The following TENM1 variants were observed in gnomAD, a reference collection of about 807,000 sequenced individuals.
TENM1 encodes the protein teneurin-1.
A neutral mutation model predicts 174.8 loss-of-function variants in TENM1; 35 were observed. That is an observed-to-expected ratio of 0.20 (90% CI 0.15 to 0.27). The LOEUF (loss-of-function observed/expected upper bound fraction) is 0.27, where lower values mean the gene tolerates loss of function less well. Ranked by LOEUF, TENM1 falls within the 10% of genes least tolerant of loss-of-function variation. The pLI is 1.00. For missense variants in TENM1, 1,633 were observed against 2,130.1 expected (o/e 0.77, Z 4.59); for synonymous variants, 781 against 798.7 (o/e 0.98, Z 0.37).
intron 3 of TENM1, among the ~76,000 whole-genome samples, chrX:124,885,569 G>T (rs2057369809): frequency 9.1e-6 from 1 of 110,490 alleles, no homozygotes; most frequent in Admixed American, 9.7e-5. Context: ...TGAAATATCA[G>T]GTTGTATGGA....
upstream of TENM1, among the ~76,000 whole-genome samples, chrX:124,964,557 C>T (rs1178692673): frequency 2.7e-5 from 3 of 111,109 alleles, no homozygotes; most frequent in African/African-American, 9.8e-5. Context: ...GATAAATCAC[C>T]GAAAGAACCC....
At chrX:125,101,099 G>T in the TENM1 span, among the ~76,000 whole-genome samples, 4 of 111,633 alleles carry the variant, frequency 3.6e-5, no homozygotes, top group African/African-American at 1.3e-4. Context: ...GATTCAATAA[G>T]TTAATGTACG....
At chrX:124,869,589 G>A (rs1430632357) in intron 3 of TENM1, among the ~76,000 whole-genome samples, 4 of 111,202 alleles carry the variant, frequency 3.6e-5, no homozygotes, top group African/African-American at 1.3e-4. Flanking sequence ...CTATCAACTG[G>A]TGAATGAATA....
chrX:124,887,172 G>A (rs968127463), intron 3 of TENM1, among the ~76,000 whole-genome samples: 1 of 110,974 alleles, frequency 9.0e-6, no homozygotes, highest in African/African-American at 3.3e-5. Flanking sequence ...ATTAAGTGCA[G>A]CACTGTTTTT....
chrX:124,970,142 T>A, the TENM1 span, among the ~76,000 whole-genome samples: 1 of 111,530 alleles, frequency 9.0e-6, no homozygotes, highest in African/African-American at 3.3e-5. Flanking sequence ...TCCTCCACTA[T>A]CCTTTTATTT....
At chrX:124,742,841 G>A (rs775783099) in intron 3 of TENM1, among the ~76,000 whole-genome samples, 43 of 110,960 alleles carry the variant, frequency 3.9e-4, no homozygotes, top group South Asian at 1.5e-3. Context: ...AGGGCACCAA[G>A]AGTTATTGCC....
At chrX:124,398,146 C>T (rs1385044294) in intron 27 of TENM1, among the ~76,000 whole-genome samples, 2 of 108,135 alleles carry the variant, frequency 1.8e-5, no homozygotes, top group East Asian at 3.0e-4. Flanking sequence ...GAGAACTGCT[C>T]GAACAGAGGA....
At chrX:125,128,035 A>G in the TENM1 span, among the ~76,000 whole-genome samples, 1 of 111,577 alleles carries the variant, frequency 9.0e-6, no homozygotes, top group African/African-American at 3.3e-5. Context: ...AATGGTATTA[A>G]CAAGTATACA....
At chrX:124,732,230 G>T (rs1271414183) in intron 4 of TENM1, among the ~76,000 whole-genome samples, 1 of 112,273 alleles carries the variant, frequency 8.9e-6, no homozygotes, top group Non-Finnish European at 1.9e-5. Context: ...ATGTTAAACA[G>T]GCTTTGGGGT....
chrX:124,770,593 G>A (rs188618648), intron 3 of TENM1, among the ~76,000 whole-genome samples: 189 of 110,250 alleles, frequency 1.7e-3, no homozygotes, highest in African/African-American at 5.8e-3. Flanking sequence ...TTTTTTTGTA[G>A]AGACAGGGTT....
the TENM1 span, among the ~76,000 whole-genome samples, chrX:125,112,431 C>A: frequency 9.1e-6 from 1 of 109,992 alleles, no homozygotes; most frequent in Non-Finnish European, 1.9e-5. Context: ...ATATGTATAA[C>A]AAATAACATG....
chrX:124,485,620 A>C (rs73634516), intron 21 of TENM1, among the ~76,000 whole-genome samples: 1 of 111,303 alleles, frequency 9.0e-6, no homozygotes, highest in Non-Finnish European at 1.9e-5. Flanking sequence ...GAGAAATGCT[A>C]TTTTGCTATT....
the TENM1 span, among the ~76,000 whole-genome samples, chrX:125,107,139 C>G: frequency 3.6e-5 from 4 of 111,976 alleles, no homozygotes; most frequent in Non-Finnish European, 7.5e-5. Flanking sequence ...TCAGAGTAAT[C>G]AAGTATTGAT....
intron 25 of TENM1, among the ~76,000 whole-genome samples, chrX:124,413,338 C>T (rs1446644360): frequency 8.9e-6 from 1 of 111,916 alleles, no homozygotes; most frequent in Non-Finnish European, 1.9e-5. Context: ...AGGGAGGACA[C>T]AGTGTCTCAT....
At chrX:124,913,730 T>C (rs191176883) in intron 1 of TENM1, among the ~76,000 whole-genome samples, 1 of 112,165 alleles carries the variant, frequency 8.9e-6, no homozygotes, top group East Asian at 2.8e-4. Context: ...AAAATCTTAC[T>C]ATACTATAAA....
chrX:124,917,357 C>A (rs182823578), intron 1 of TENM1, among the ~76,000 whole-genome samples: 1 of 111,949 alleles, frequency 8.9e-6, no homozygotes, highest in Admixed American at 9.5e-5. Flanking sequence ...TGGAGTTGGG[C>A]TACCACCATT....
rs373625227 is a variant in TENM1, at chrX:124,647,309, A to G, written c.1580-499T>C. Among the ~76,000 whole-genome samples, 346 of 112,047 alleles carry G rather than the reference A, an allele frequency of 3.1e-3. 2 individuals carry two copies. The highest frequency in any genetic ancestry group is 0.011 in the African/African-American group (329 of 30,906). ...ATTCAGTATTTCATTTTCATTAATA[A>G]GTGACAATGGAAGGCTTTTAAAGTA... On this transcript the variant is annotated intron_variant, in intron 8 of 31. Coordinates refer to ENST00000422452, the Ensembl canonical transcript of TENM1.
At chrX:124,843,723 C>T (rs1456681386) in intron 3 of TENM1, among the ~76,000 whole-genome samples, 1 of 111,544 alleles carries the variant, frequency 9.0e-6, no homozygotes, top group Non-Finnish European at 1.9e-5. Context: ...AGGAGGGGTC[C>T]AAACTTGTTT....
At chrX:124,458,274 C>T (rs1334157459) in intron 22 of TENM1, among the ~76,000 whole-genome samples, 1 of 111,903 alleles carries the variant, frequency 8.9e-6, no homozygotes, top group Non-Finnish European at 1.9e-5. Context: ...TCAGAAAGGC[C>T]CAAGTTACTT....
Sources: allele counts gnomAD v4.1 joint callset (sites outside exome capture counted in the v4.1 genomes callset), GRCh38; gene constraint gnomAD v4.1.1; transcripts MANE v1.5; gene names NCBI Gene and HGNC (gene_info 2026-07-23, HGNC 2026-07-21).